The following SNX4 variants were observed in gnomAD, a reference collection of about 807,000 sequenced individuals.
SNX4 encodes the protein sorting nexin 4.
Under a neutral mutation model 70.8 loss-of-function variants are expected in SNX4, and 49 were observed. The ratio of observed to expected loss-of-function variants is 0.69; its 90% CI spans 0.55 to 0.88. The LOEUF is 0.88. Ranked by LOEUF, SNX4 falls within the 40% of genes least tolerant of loss-of-function variation. The pLI is 0.00. For missense variants in SNX4, 528 were observed against 544.8 expected (o/e 0.97, Z 0.31); for synonymous variants, 206 against 183.8 (o/e 1.12, Z -0.98).
intron 5 of SNX4, among the ~76,000 whole-genome samples, chr3:125,495,114 A>C (rs1356252812): frequency 6.6e-6 from 1 of 151,720 alleles, no homozygotes; most frequent in African/African-American, 2.4e-5. Context: ...GTATAGCAGG[A>C]AGCCATGTTA....
chr3:125,504,527 A>T (rs1935005902), intron 2 of SNX4, 96 bp downstream of exon 2: 1 of 1,222,292 alleles, frequency 8.2e-7, no homozygotes, highest in Non-Finnish European at 1.1e-6. Context: ...AAAAAAAATA[A>T]CCTTTAAAAA....
chr3:125,493,216 T>C (rs1934700519), intron 5 of SNX4, among the ~76,000 whole-genome samples: 1 of 152,118 alleles, frequency 6.6e-6, no homozygotes, highest in South Asian at 2.1e-4. Flanking sequence ...CCCAAGTAGC[T>C]AGAACTATAG....
intron 9 of SNX4, among the ~76,000 whole-genome samples, chr3:125,465,946 GT>G (rs1281328604): frequency 6.6e-6 from 1 of 151,832 alleles, no homozygotes; most frequent in Admixed American, 6.6e-5. Context: ...CCCGGCCCAT[GT>G]AAACTTTAGA....
intron 12 of SNX4, among the ~76,000 whole-genome samples, chr3:125,453,551 G>A (rs754637730): frequency 6.7e-6 from 1 of 148,888 alleles, no homozygotes; most frequent in South Asian, 2.1e-4. Flanking sequence ...GTCTTCCTAC[G>A]TTGCCCAGGC....
chr3:125,457,322 T>C lies in SNX4; in HGVS notation c.988A>G (p.Met330Val). ...KHELMQYDLEMAAQDLASKKQ... is the reference protein window; with the variant it reads ...KHELMQYDLEVAAQDLASKKQ... ...TTGGATGCTAAGTCCTGAGCAGCCA[T>C]CTCCAAGTCATACTGCATAAGTTCA... Residue 330 changes from methionine to valine, a missense_variant, in exon 11 of 14, where the codon ATG becomes GTG. By Grantham distance (21) the Met-to-Val change is conservative (BLOSUM62 1). This residue lies in a region of SNX4 where 159 missense variants were observed against 172.6 expected (regional missense o/e 0.92). Coordinates refer to ENST00000251775, the MANE Select transcript of SNX4 (RefSeq NM_003794.4). The C allele has an allele frequency of 6.2e-7, 1 of 1,614,066 alleles. No homozygotes were observed. Among genetic ancestry groups the C allele is most frequent in the Non-Finnish European group, 8.5e-7 (1 of 1,179,962 alleles).
chr3:125,508,913 C>CAG (rs59715790), intron 1 of SNX4, among the ~76,000 whole-genome samples: 71,612 of 151,716 alleles, frequency 0.47, 17,065 homozygotes, highest in African/African-American at 0.54. Flanking sequence ...GAAGAAAACA[C>CAG]GGGAAAAGTT....
chr3:125,505,762 A>G (rs1370169843), intron 1 of SNX4, among the ~76,000 whole-genome samples: 5 of 151,602 alleles, frequency 3.3e-5, no homozygotes, highest in Non-Finnish European at 7.4e-5. Context: ...TCCTCCCTTC[A>G]TTTTTCTTTT....
At chr3:125,488,431 C>A (rs1007510177) in intron 6 of SNX4, among the ~76,000 whole-genome samples, 1 of 151,908 alleles carries the variant, frequency 6.6e-6, no homozygotes. Flanking sequence ...GCAGGGATCA[C>A]GCCACTACAC....
intron 12 of SNX4, 73 bp from the exon 13 acceptor site, chr3:125,451,492 C>T (rs1933571969): frequency 9.2e-7 from 1 of 1,082,474 alleles, no homozygotes; most frequent in African/African-American, 1.6e-5. Flanking sequence ...AACCAGTTCT[C>T]ATTGGCGTTG....
chr3:125,494,071 C>A, intron 5 of SNX4, among the ~76,000 whole-genome samples: 1 of 151,222 alleles, frequency 6.6e-6, no homozygotes, highest in African/African-American at 2.4e-5. Context: ...ATCTAGTACG[C>A]CAAAACTACA....
At chr3:125,490,485 C>A (rs527342899) in intron 5 of SNX4, among the ~76,000 whole-genome samples, 1 of 137,424 alleles carries the variant, frequency 7.3e-6, no homozygotes, top group Admixed American at 7.9e-5. Context: ...GATCGTGCCA[C>A]GGCACTCCAG....
intron 7 of SNX4, among the ~76,000 whole-genome samples, chr3:125,479,868 T>C (rs779820166): frequency 2.6e-5 from 4 of 152,184 alleles, no homozygotes; most frequent in African/African-American, 4.8e-5. Context: ...TTGGTAGAAT[T>C]TAAGAGCACA....
chr3:125,475,264 T>C (rs4679397), intron 8 of SNX4, among the ~76,000 whole-genome samples: 35,069 of 151,096 alleles, frequency 0.23, 4,226 homozygotes, highest in Admixed American at 0.35. Flanking sequence ...TCTCACATCT[T>C]ACATTCAAAT....
At position 125,447,263 on chromosome 3, in the gene SNX4, T is replaced by C. The variant is rs997234640; in HGVS notation, c.*516A>G. 1 of 152,664 alleles carries C rather than the reference T, an allele frequency of 6.6e-6. No homozygotes were observed. Among genetic ancestry groups the C allele is most frequent in the African/African-American group, 2.4e-5 (1 of 41,448 alleles). The allele number at this position is 152,664 out of a possible 1,614,324, so 9.5% of individuals were successfully genotyped here. A position where few individuals can be genotyped will look rare whatever the true frequency, so the allele number is the denominator to read the frequency against. On this transcript the variant is annotated 3_prime_UTR_variant, in exon 14 of 14. Coordinates refer to ENST00000251775, the MANE Select transcript of SNX4 (RefSeq NM_003794.4). ...GTGTATGCAAACATTACAAGGGGCA[T>C]CAATGAATGTAGAAGAAAATCGTAG...
intron 11 of SNX4, among the ~76,000 whole-genome samples, chr3:125,455,295 G>T (rs6438904): frequency 0.037 from 5,609 of 152,208 alleles, 233 homozygotes; most frequent in African/African-American, 0.088. Context: ...TTCTTACTCT[G>T]TATGAATGAT....
Position 125,457,373 on chromosome 3 carries a change from T to A in SNX4, c.945-8A>T. 6.2e-7 allele frequency: 1 copy of A among 1,600,970 alleles called. No homozygotes were observed. Among genetic ancestry groups the A allele is most frequent in the Non-Finnish European group, 8.6e-7 (1 of 1,168,232 alleles). ...TGTTTCCTGCACACAGCCCTACAGA[T>A]GAAAAAATGTGCTGCCATTTAACTT... On this transcript the variant is annotated splice_region_variant and splice_polypyrimidine_tract_variant and intron_variant, in intron 10 of 13. Coordinates refer to ENST00000251775, the MANE Select transcript of SNX4 (RefSeq NM_003794.4).
intron 1 of SNX4, among the ~76,000 whole-genome samples, chr3:125,517,718 G>A (rs926732229): frequency 6.6e-6 from 1 of 152,228 alleles, no homozygotes; most frequent in African/African-American, 2.4e-5. Flanking sequence ...GCTCATGTCT[G>A]TAATCCCAGC....
chr3:125,497,695 T>C (rs1326669898), intron 4 of SNX4, 139 bp downstream of exon 4: 14 of 615,948 alleles, frequency 2.3e-5, no homozygotes, highest in Non-Finnish European at 3.8e-5. Context: ...AATGACATAA[T>C]CCATTAATTA....
intron 1 of SNX4, among the ~76,000 whole-genome samples, chr3:125,509,736 G>C (rs1935127982): frequency 8.9e-6 from 1 of 112,266 alleles, no homozygotes; most frequent in African/African-American, 3.6e-5. Flanking sequence ...CTAGGTGACA[G>C]AGCGAGAATC....
Sources: gnomAD v4.1 joint callset for allele counts (sites outside exome capture counted in the v4.1 genomes callset) on GRCh38, gnomAD v4.1.1 for gene constraint, gnomAD v4.1.1 regional missense constraint, MANE v1.5 for transcripts, NCBI Gene and HGNC (gene_info 2026-07-23, HGNC 2026-07-21) for gene names.